Variants in CABIN1 observed in about 807,000 individuals in gnomAD.
CABIN1 encodes calcineurin binding protein 1.
In CABIN1, 133 loss-of-function variants were observed where a neutral mutation model predicts 227.7. The ratio of observed to expected loss-of-function variants is 0.58; its 90% CI spans 0.51 to 0.67. CABIN1 has a LOEUF of 0.67. Ranked by LOEUF, CABIN1 falls within the 30% of genes least tolerant of loss-of-function variation. CABIN1 has a pLI of 0.00. For synonymous variants in CABIN1, 1,086 were observed against 1,155.1 expected (o/e 0.94, Z 1.21); for missense variants, 2,408 against 2,852.5 (o/e 0.84, Z 3.55).
Position 24,064,184 on chromosome 22 carries a change from G to A in CABIN1, c.2034G>A (p.Glu678=), listed in dbSNP as rs1200203848. Reference sequence around the variant, plus strand: ...ATAATGACTCTGTGGTTTCCCTGGAGGAGGTAAGTGAGAATTTTCGTTTGT... The same window carrying A: ...ATAATGACTCTGTGGTTTCCCTGGAAGAGGTAAGTGAGAATTTTCGTTTGT... ...NLHNDSVVSL[E]EIDKNLKSLE... Residue 678 remains glutamate (E), a synonymous_variant, in exon 15 of 37, where the codon GAG becomes GAA. Coordinates refer to ENST00000263119, the MANE Select transcript of CABIN1 (RefSeq NM_012295.4). The A allele has an allele frequency of 6.2e-7, 1 of 1,614,176 alleles. No individual in the cohort carries two copies. The highest frequency in any genetic ancestry group is 1.7e-5 in the Admixed American group (1 of 60,024).
Position 24,136,762 on chromosome 22 carries a change from CACACAG to C in CABIN1, c.4746+2349_4746+2354del, listed in dbSNP as rs1206767054. Among the ~76,000 whole-genome samples, 4 of 151,920 alleles carry C rather than the reference CACACAG, an allele frequency of 2.6e-5. No individual in the cohort carries two copies. The East Asian group carries it at 5.8e-4, about 22-fold the overall frequency. On this transcript the variant is annotated intron_variant, in intron 29 of 36. Transcript: ENST00000263119. ...ACGCACACACACACACACACACACA[CACACAG>C]AAAGGCTCAGTGCTTCACCTATGAA... is the stretch of plus-strand genomic sequence containing the variant.
chr22:24,164,753 A>G (rs2148669408), intron 30 of CABIN1, among the ~76,000 whole-genome samples, 190 bp downstream of exon 30: 2 of 152,172 alleles, frequency 1.3e-5, no homozygotes, highest in Middle Eastern at 6.8e-3. Flanking sequence ...TCCCACCCCC[A>G]GGCACCCTAG....
chr22:24,092,666 AT>A (rs1048828406), intron 24 of CABIN1, among the ~76,000 whole-genome samples: 1 of 125,552 alleles, frequency 8.0e-6, no homozygotes, highest in Non-Finnish European at 1.7e-5. Context: ...TGCCTTTGTG[AT>A]TTTTTTTCCT....
chr22:24,078,758 T>C (rs964950598), intron 19 of CABIN1, among the ~76,000 whole-genome samples: 3 of 152,326 alleles, frequency 2.0e-5, no homozygotes, highest in South Asian at 4.1e-4. Flanking sequence ...GTTGACAATC[T>C]GCTGTATTTG....
At chr22:24,119,060 A>ATGTC (rs1336310882) in intron 27 of CABIN1, among the ~76,000 whole-genome samples, 2 of 152,198 alleles carry the variant, frequency 1.3e-5, no homozygotes, top group African/African-American at 4.8e-5. Flanking sequence ...GAGGTGGGAC[A>ATGTC]GCCTGTGCCA....
intron 27 of CABIN1, among the ~76,000 whole-genome samples, chr22:24,116,174 AG>A (rs2043073796): frequency 6.6e-6 from 1 of 152,152 alleles, no homozygotes; most frequent in Non-Finnish European, 1.5e-5. Flanking sequence ...TCACCTTTGC[AG>A]GGGGCAGAGC....
intron 1 of CABIN1, among the ~76,000 whole-genome samples, chr22:24,021,177 A>G (rs939208579): frequency 1.1e-4 from 16 of 151,022 alleles, no homozygotes; most frequent in African/African-American, 3.6e-4. Context: ...TTTTTATTTT[A>G]TTTATTTATT....
intron 28 of CABIN1, among the ~76,000 whole-genome samples, chr22:24,128,363 C>T (rs567532276): frequency 1.3e-5 from 2 of 152,264 alleles, no homozygotes; most frequent in African/African-American, 4.8e-5. Context: ...TCCAAACAGA[C>T]ATTCTAATTA....
intron 26 of CABIN1, among the ~76,000 whole-genome samples, chr22:24,102,883 G>A (rs773623198): frequency 1.3e-3 from 202 of 152,158 alleles, no homozygotes; most frequent in Non-Finnish European, 1.9e-3. Flanking sequence ...GGTGCCCTGT[G>A]CCAAACCCCC....
At chr22:24,071,608 A>G (rs1569166356) in intron 17 of CABIN1, among the ~76,000 whole-genome samples, 1 of 152,042 alleles carries the variant, frequency 6.6e-6, no homozygotes, top group African/African-American at 2.4e-5. Flanking sequence ...AGTCCAGGCC[A>G]CTGCTACTCT....
rs908124260 is a variant in CABIN1, at chr22:24,171,619, G to A, written c.5758-94G>A. 6.9e-6 allele frequency: 10 copies of A among 1,450,074 alleles called. No homozygotes were observed. The South Asian group carries it at 1.0e-4, about 15-fold the overall frequency. The allele number at this position is 1,450,074 out of a possible 1,614,324, so 89.8% of individuals were successfully genotyped here. A position where few individuals can be genotyped will look rare whatever the true frequency, so the allele number is the denominator to read the frequency against. On this transcript the variant is annotated intron_variant, in intron 33 of 36. Coordinates refer to ENST00000263119, the MANE Select transcript of CABIN1 (RefSeq NM_012295.4). ...GTTGGCAGCCCCAGGCGCACAGGAT[G>A]TCCTGTGGGACAGCACTGGTCGGCT... is the stretch of plus-strand genomic sequence containing the variant.
chr22:24,042,612 G>C (rs925631686), intron 5 of CABIN1, among the ~76,000 whole-genome samples: 1 of 152,100 alleles, frequency 6.6e-6, no homozygotes, highest in Non-Finnish European at 1.5e-5. Context: ...AAAATTCTAA[G>C]TTAAATAACT....
At chr22:24,038,175 A>G (rs2037070821) in intron 3 of CABIN1, among the ~76,000 whole-genome samples, 173 bp from the exon 4 acceptor site, 1 of 152,228 alleles carries the variant, frequency 6.6e-6, no homozygotes, top group Non-Finnish European at 1.5e-5. Flanking sequence ...TGATCAGCTC[A>G]ATCTCCAGCC....
At chr22:24,025,974 C>T (rs1601667455) in intron 1 of CABIN1, among the ~76,000 whole-genome samples, 2 of 152,218 alleles carry the variant, frequency 1.3e-5, no homozygotes, top group African/African-American at 4.8e-5. Context: ...GCTGGAACAA[C>T]AGGCATGTGC....
intron 19 of CABIN1, among the ~76,000 whole-genome samples, chr22:24,079,307 T>C (rs1034974956): frequency 3.3e-5 from 5 of 152,202 alleles, no homozygotes; most frequent in African/African-American, 1.2e-4. Context: ...TTTCCTAATA[T>C]GGCATTAAGG....
At chr22:24,021,068 T>C (rs924599114) in intron 1 of CABIN1, among the ~76,000 whole-genome samples, 3 of 151,966 alleles carry the variant, frequency 2.0e-5, no homozygotes, top group African/African-American at 7.3e-5. Flanking sequence ...GGTGTGATCA[T>C]GGCTCACTGC....
intron 26 of CABIN1, among the ~76,000 whole-genome samples, chr22:24,099,327 G>A (rs2042075857): frequency 6.6e-6 from 1 of 152,194 alleles, no homozygotes; most frequent in African/African-American, 2.4e-5. Flanking sequence ...GGCAGGATTT[G>A]CTATTCTCAA....
chr22:24,160,057 A>G (rs1351707706), intron 29 of CABIN1, among the ~76,000 whole-genome samples: 2 of 152,106 alleles, frequency 1.3e-5, no homozygotes, highest in East Asian at 3.9e-4. Flanking sequence ...GAGGTGGGCG[A>G]GTCTGGCCCC....
chr22:24,146,552 C>T (rs1415157529), intron 29 of CABIN1, among the ~76,000 whole-genome samples: 1 of 152,148 alleles, frequency 6.6e-6, no homozygotes, highest in Non-Finnish European at 1.5e-5. Flanking sequence ...TAGGAGAGGT[C>T]AGTAGGAGGA....
Sources: gnomAD v4.1 joint callset for allele counts (sites outside exome capture counted in the v4.1 genomes callset) on GRCh38, gnomAD v4.1.1 for gene constraint, MANE v1.5 for transcripts, NCBI Gene and HGNC (gene_info 2026-07-23, HGNC 2026-07-21) for gene names.